Variants in MRTFA observed in about 807,000 individuals in gnomAD.
MRTFA encodes myocardin related transcription factor A.
MRTFA carries 20 observed loss-of-function variants against 83.5 expected under a neutral mutation model. That is an observed-to-expected ratio of 0.24 (90% confidence interval 0.17 to 0.35). The LOEUF is 0.35. MRTFA is among the 10% of genes least tolerant of loss of function. The probability of loss-of-function intolerance (pLI) is 1.00; values close to 1 mark genes in which losing one functional copy is unlikely to be tolerated. For synonymous variants in MRTFA, 659 were observed against 541.2 expected (o/e 1.22, Z -3.02); for missense variants, 1,200 against 1,224.7 (o/e 0.98, Z 0.30).
At position 40,410,507 on chromosome 22, in the gene MRTFA, CGGGGACGGAATGTGAGTGGGT is replaced by C. The variant is rs1234037758; in HGVS notation, c.*862_*882del. On this transcript the variant is annotated 3_prime_UTR_variant, in exon 15 of 15. Coordinates refer to ENST00000355630, the MANE Select transcript of MRTFA (RefSeq NM_020831.6). ...GGCCACGCTGGCTGCAGTGAGGCGG[CGGGGACGGAATGTGAGTGGGT>C]GGAGAGCTCCTGGCAGGAAGGCCAG... 4 of 233,008 alleles carry C rather than the reference CGGGGACGGAATGTGAGTGGGT, an allele frequency of 1.7e-5. No individual in the cohort carries two copies. The East Asian group carries it at 1.8e-4, about 11-fold the overall frequency. 14.4% of individuals were successfully genotyped at this position (233,008 alleles called of 1,614,324 possible).
intron 3 of MRTFA, among the ~76,000 whole-genome samples, chr22:40,541,755 C>T (rs1440687517): frequency 6.7e-6 from 1 of 149,218 alleles, no homozygotes; most frequent in Non-Finnish European, 1.5e-5. Context: ...TAATCTCCGC[C>T]TCCCGGGTTC....
intron 4 of MRTFA, among the ~76,000 whole-genome samples, chr22:40,437,715 A>G (rs1470707607): frequency 1.3e-5 from 2 of 151,078 alleles, no homozygotes; most frequent in Non-Finnish European, 2.9e-5. Flanking sequence ...GTGCGCCAAG[A>G]TAGTGCCACT....
chr22:40,545,577 C>A lies in MRTFA; in HGVS notation c.241+6529G>T, dbSNP rs551299811. Among the ~76,000 whole-genome samples the A allele has an allele frequency of 2.0e-5, 3 of 152,072 alleles. No homozygotes were observed. In the East Asian group the frequency reaches 5.8e-4, roughly 29 times the overall value. ...CCTCCCAAGGAGCTGGGATTACAGG[C>A]GCCTGCCACCACGCCCGGCTAATCT... On this transcript the variant is annotated intron_variant, in intron 3 of 14. Transcript: ENST00000355630.
chr22:40,425,422 C>T (rs1335079618), intron 7 of MRTFA, among the ~76,000 whole-genome samples: 1 of 152,220 alleles, frequency 6.6e-6, no homozygotes, highest in Non-Finnish European at 1.5e-5. Flanking sequence ...TGGGAAGACC[C>T]CAGATAAGGA....
chr22:40,496,059 C>G (rs2054349637), intron 3 of MRTFA, among the ~76,000 whole-genome samples: 1 of 150,354 alleles, frequency 6.7e-6, no homozygotes, highest in Non-Finnish European at 1.5e-5. Context: ...GAATGAGACT[C>G]AGTCTCAGAA....
At chr22:40,455,577 CG>C (rs1268074433) in intron 4 of MRTFA, among the ~76,000 whole-genome samples, 1 of 146,632 alleles carries the variant, frequency 6.8e-6, no homozygotes, top group African/African-American at 2.5e-5. Flanking sequence ...ACCCGGGAGG[CG>C]GAGCTTGCAG....
intron 4 of MRTFA, among the ~76,000 whole-genome samples, chr22:40,439,134 T>A (rs751544241): frequency 6.6e-6 from 1 of 152,310 alleles, no homozygotes; most frequent in African/African-American, 2.4e-5. Context: ...TTGGAAGATA[T>A]AACCTAATTC....
chr22:40,442,572 C>G (rs1053296950), intron 4 of MRTFA, among the ~76,000 whole-genome samples: 1 of 121,322 alleles, frequency 8.2e-6, no homozygotes, highest in Admixed American at 1.1e-4. Context: ...CAATAAGCAG[C>G]CCTTAAGTAA....
intron 3 of MRTFA, among the ~76,000 whole-genome samples, chr22:40,508,405 A>G (rs1412051140): frequency 5.4e-5 from 8 of 149,358 alleles, no homozygotes; most frequent in Non-Finnish European, 1.2e-4. Flanking sequence ...TCAGCTACTC[A>G]GGAGGCTGAG....
At chr22:40,535,430 G>A (rs965699506) in intron 3 of MRTFA, among the ~76,000 whole-genome samples, 8 of 135,228 alleles carry the variant, frequency 5.9e-5, no homozygotes, top group African/African-American at 2.3e-4. Flanking sequence ...TCAGGTCACT[G>A]CAGCCTCAAC....
intron 1 of MRTFA, among the ~76,000 whole-genome samples, chr22:40,619,592 T>C (rs980563451): frequency 1.3e-5 from 2 of 151,970 alleles, no homozygotes; most frequent in Admixed American, 6.6e-5. Context: ...GGAGAAATGT[T>C]AAACAAAAAG....
chr22:40,632,347 G>C (rs980150717), intron 1 of MRTFA, among the ~76,000 whole-genome samples: 1 of 151,612 alleles, frequency 6.6e-6, no homozygotes, highest in Non-Finnish European at 1.5e-5. Flanking sequence ...GCAGTGGCAC[G>C]ATCTCAGCTC....
intron 1 of MRTFA, among the ~76,000 whole-genome samples, chr22:40,605,945 C>T (rs1040386121): frequency 7.9e-5 from 12 of 152,184 alleles, no homozygotes; most frequent in Non-Finnish European, 8.8e-5. Flanking sequence ...TCCTATTCCA[C>T]AATCAGCTTC....
At chr22:40,607,277 T>A (rs556677749) in intron 1 of MRTFA, among the ~76,000 whole-genome samples, 32 of 151,434 alleles carry the variant, frequency 2.1e-4, no homozygotes, top group African/African-American at 7.5e-4. Context: ...GGCCGAGGAG[T>A]GCAGATCACA....
chr22:40,413,869 C>T (rs1169299704), intron 14 of MRTFA, among the ~76,000 whole-genome samples: 1 of 152,170 alleles, frequency 6.6e-6, no homozygotes, highest in Non-Finnish European at 1.5e-5. Flanking sequence ...GACAGAAATG[C>T]AAACTAAGAT....
At chr22:40,417,089 A>T in intron 13 of MRTFA, 43 bp from the exon 14 acceptor site, 1 of 1,546,090 alleles carries the variant, frequency 6.5e-7, no homozygotes, top group South Asian at 1.2e-5. Flanking sequence ...AAAATCTTGA[A>T]TGGGGGCTCC....
At chr22:40,463,081 G>T in intron 4 of MRTFA, 140 bp downstream of exon 4, 1 of 742,238 alleles carries the variant, frequency 1.3e-6, no homozygotes. Flanking sequence ...CTCTAAACTT[G>T]GAAAGTCATG....
intron 2 of MRTFA, among the ~76,000 whole-genome samples, chr22:40,580,135 T>C (rs972548278): frequency 2.0e-5 from 3 of 152,156 alleles, no homozygotes; most frequent in Non-Finnish European, 4.4e-5. Context: ...ACAGCAAATA[T>C]AGAAACATGT....
At chr22:40,588,693 T>C (rs1466353336) in intron 2 of MRTFA, among the ~76,000 whole-genome samples, 1 of 152,148 alleles carries the variant, frequency 6.6e-6, no homozygotes, top group East Asian at 1.9e-4. Context: ...TAAGATCATA[T>C]AGTCTGGGCC....
Sources: allele counts gnomAD v4.1 joint callset (sites outside exome capture counted in the v4.1 genomes callset), GRCh38; gene constraint gnomAD v4.1.1; transcripts MANE v1.5; gene names NCBI Gene and HGNC (gene_info 2026-07-23, HGNC 2026-07-21).